Variants in DMD observed in about 807,000 individuals in gnomAD.
DMD encodes the protein dystrophin.
In DMD, 63 loss-of-function variants were observed where a neutral mutation model predicts 330.1. The ratio of observed to expected loss-of-function variants is 0.19; its 90% CI spans 0.16 to 0.24. The LOEUF (loss-of-function observed/expected upper bound fraction) is 0.24. DMD is among the 10% of genes least tolerant of loss of function. The pLI, the probability that DMD is intolerant of heterozygous loss-of-function variation, is 1.00. For missense variants in DMD, 3,344 were observed against 2,684.1 expected, an observed-to-expected ratio of 1.25 and a Z score of -5.43; for synonymous variants, 1,223 against 959.8, an observed-to-expected ratio of 1.27 and a Z score of -5.07.
chrX:32,361,278 A>G (rs191317166), intron 37 of DMD, among the ~76,000 whole-genome samples: 1 of 111,739 alleles, frequency 8.9e-6, no homozygotes, highest in East Asian at 2.8e-4. Flanking sequence ...AAGTAACAAT[A>G]CATTCTTTCA....
chrX:31,869,651 C>T (rs1294920196), intron 48 of DMD, among the ~76,000 whole-genome samples: 1 of 108,805 alleles, frequency 9.2e-6, no homozygotes, highest in African/African-American at 3.3e-5. Context: ...GCCATTTCCC[C>T]ACAATATCTA....
At chrX:32,528,940 C>G (rs181573463) in intron 17 of DMD, among the ~76,000 whole-genome samples, 1,999 of 72,117 alleles carry the variant, frequency 0.028, 49 homozygotes, top group Admixed American at 0.1. Flanking sequence ...TTATTTTTTT[C>G]AGACGGAGTC....
At position 32,536,195 on chromosome X, in the gene DMD, G is replaced by A. The variant is rs146438478; in HGVS notation, c.2168+8964C>T. Among the ~76,000 whole-genome samples, 654 of 101,655 alleles carry A rather than the reference G, an allele frequency of 6.4e-3. 4 individuals are homozygous for A. Among genetic ancestry groups the A allele is most frequent in the Non-Finnish European group, 9.6e-3 (494 of 51,410 alleles). 88.3% of individuals were successfully genotyped at this position (101,655 alleles called of 115,157 possible). A position where few individuals can be genotyped will look rare whatever the true frequency, so the allele number is the denominator to read the frequency against. ...CAGGACAATCGCTTGAACCCACGGG[G>A]CAGAGGATGCAGTAAGCTGAGATCG... On this transcript the variant is annotated intron_variant, in intron 17 of 78. Coordinates refer to ENST00000357033, the MANE Select transcript of DMD (RefSeq NM_004006.3).
chrX:32,793,282 C>T (rs901078261), intron 7 of DMD, among the ~76,000 whole-genome samples: 2 of 110,243 alleles, frequency 1.8e-5, no homozygotes, highest in African/African-American at 6.6e-5. Flanking sequence ...CGGGATATGG[C>T]AAAAGCAGTG....
At chrX:31,797,770 G>A (rs992391718) in intron 50 of DMD, among the ~76,000 whole-genome samples, 34 of 111,169 alleles carry the variant, frequency 3.1e-4, no homozygotes, top group Middle Eastern at 4.6e-3. Flanking sequence ...CATATAGGAT[G>A]ACAAAGAATG....
intron 37 of DMD, among the ~76,000 whole-genome samples, chrX:32,351,672 C>T (rs1245398608): frequency 9.1e-6 from 1 of 109,747 alleles, no homozygotes; most frequent in Admixed American, 9.8e-5. Flanking sequence ...GAACAAAAGA[C>T]TAAAAATTGA....
At chrX:31,325,471 G>A (rs1357328658) in intron 61 of DMD, among the ~76,000 whole-genome samples, 3 of 96,527 alleles carry the variant, frequency 3.1e-5, no homozygotes, top group Admixed American at 1.2e-4. Context: ...AAAAAAAGCC[G>A]GGCATGGTGG....
At chrX:31,316,388 T>C (rs899842098) in intron 62 of DMD, among the ~76,000 whole-genome samples, 3 of 112,280 alleles carry the variant, frequency 2.7e-5, no homozygotes, top group Non-Finnish European at 5.6e-5. Flanking sequence ...CTGTTATCTG[T>C]GAGGCACTAT....
At chrX:31,380,633 C>T (rs181790087) in intron 60 of DMD, among the ~76,000 whole-genome samples, 7,618 of 111,328 alleles carry the variant, frequency 0.068, 645 homozygotes, top group African/African-American at 0.24. Context: ...CAGGTTAGTT[C>T]AGGATCTGCA....
At chrX:32,410,194 T>C (rs1474726051) in intron 30 of DMD, among the ~76,000 whole-genome samples, 1 of 111,194 alleles carries the variant, frequency 9.0e-6, no homozygotes, top group African/African-American at 3.3e-5. Context: ...CAAGTATGTT[T>C]ACTATTATCC....
chrX:31,310,779 T>C (rs2055451999), intron 62 of DMD, among the ~76,000 whole-genome samples: 2 of 104,811 alleles, frequency 1.9e-5, no homozygotes, highest in African/African-American at 7.0e-5. Context: ...GGCTTCGAAC[T>C]CCTGGGCTTA....
At chrX:32,290,515 A>C (rs2097462664) in intron 42 of DMD, among the ~76,000 whole-genome samples, 2 of 112,393 alleles carry the variant, frequency 1.8e-5, no homozygotes, top group South Asian at 7.4e-4. Flanking sequence ...ATTCTATTTA[A>C]CGGAAAAATC....
At chrX:33,248,263 G>A (rs893107178) in intron 1 of DMD, among the ~76,000 whole-genome samples, 12 of 111,119 alleles carry the variant, frequency 1.1e-4, no homozygotes, top group African/African-American at 3.6e-4. Flanking sequence ...GGATGGTCTC[G>A]ATCTCCTGAC....
At chrX:32,231,910 A>G (rs2097170465) in intron 43 of DMD, among the ~76,000 whole-genome samples, 1 of 109,920 alleles carries the variant, frequency 9.1e-6, no homozygotes, top group South Asian at 3.7e-4. Context: ...AAAGAAAAAA[A>G]TTCCAATTTT....
intron 60 of DMD, among the ~76,000 whole-genome samples, chrX:31,363,814 G>A (rs746297056): frequency 1.8e-5 from 2 of 112,383 alleles, no homozygotes; most frequent in Non-Finnish European, 3.8e-5. Context: ...CTACCCACTA[G>A]ATGCCAGTAG....
At chrX:32,304,708 A>T (rs970302351) in intron 42 of DMD, among the ~76,000 whole-genome samples, 2 of 111,507 alleles carry the variant, frequency 1.8e-5, no homozygotes, top group African/African-American at 6.5e-5. Flanking sequence ...ATCCCAAGTC[A>T]TATAAGCTGT....
At chrX:32,070,785 A>T (rs1458154629) in intron 44 of DMD, among the ~76,000 whole-genome samples, 1 of 111,407 alleles carries the variant, frequency 9.0e-6, no homozygotes, top group Non-Finnish European at 1.9e-5. Flanking sequence ...ATGCAAAGGC[A>T]TAAGAATGAT....
intron 1 of DMD, among the ~76,000 whole-genome samples, chrX:33,202,244 T>A (rs2051316780): frequency 8.9e-6 from 1 of 111,741 alleles, no homozygotes; most frequent in Non-Finnish European, 1.9e-5. Context: ...AGAATTCTAT[T>A]AAAATCTGAG....
intron 51 of DMD, among the ~76,000 whole-genome samples, chrX:31,740,025 G>A (rs2149068181): frequency 9.1e-6 from 1 of 109,925 alleles, no homozygotes; most frequent in South Asian, 3.8e-4. Flanking sequence ...TGATTTACTT[G>A]TCATTTACTA....
Sources: allele counts gnomAD v4.1 joint callset (sites outside exome capture counted in the v4.1 genomes callset), GRCh38; gene constraint gnomAD v4.1.1; transcripts MANE v1.5; gene names NCBI Gene and HGNC (gene_info 2026-07-23, HGNC 2026-07-21).